The following UBR4 variants were observed in gnomAD, a reference collection of about 807,000 sequenced individuals.
UBR4 encodes the protein ubiquitin protein ligase E3 component n-recognin 4, also known as E3 ubiquitin-protein ligase UBR4.
Under a neutral mutation model 575.6 loss-of-function variants are expected in UBR4, and 124 were observed. The observed-to-expected ratio is 0.22, with a 90% CI of 0.19 to 0.25. The LOEUF (loss-of-function observed/expected upper bound fraction) is 0.25, where lower values mean the gene tolerates loss of function less well. Among genes scored for constraint, UBR4 ranks in the 10% least tolerant of loss-of-function variants. UBR4 has a pLI of 1.00. For missense variants in UBR4, 4,818 were observed against 6,478.8 expected (o/e 0.74, Z 8.80); for synonymous variants, 2,455 against 2,473.7 (o/e 0.99, Z 0.22).
intron 60 of UBR4, among the ~76,000 whole-genome samples, 156 bp downstream of exon 60, chr1:19,137,851 C>G (rs557226532): frequency 1.5e-3 from 233 of 152,326 alleles, no homozygotes; most frequent in African/African-American, 5.3e-3. Context: ...TAGAGCACTT[C>G]CTAAGACTTT....
chr1:19,111,850 C>G (rs369736239), intron 78 of UBR4: 1 of 152,208 alleles, frequency 6.6e-6, no homozygotes. Context: ...GAACTCCCGA[C>G]CTCAGGTGAT....
rs1281347096 is a variant in UBR4, at chr1:19,114,836, A to G, written c.11177T>C (p.Ile3726Thr). 4.3e-6 allele frequency: 7 copies of G among 1,614,068 alleles called. No individual in the cohort carries two copies. Among genetic ancestry groups the G allele is most frequent in the South Asian group, 1.1e-5 (1 of 91,068 alleles). The change falls in exon 75 of 106, where the codon ATT becomes ACT. Residue 3726 changes from isoleucine (I) to threonine (T), a missense_variant. By Grantham distance (89) the Ile-to-Thr change is moderately conservative (BLOSUM62 -1). Coordinates refer to ENST00000375254, the MANE Select transcript of UBR4 (RefSeq NM_020765.3). ...YAKPCCAVDPIENEEDRKKAV... is the reference protein window; with the variant it reads ...YAKPCCAVDPTENEEDRKKAV... ...CTTCTTCCGGTCTTCTTCATTCTCAATGGGATCCACTGCACAGCAAGGCTT... is the reference window on the plus strand; with the variant it reads ...CTTCTTCCGGTCTTCTTCATTCTCAGTGGGATCCACTGCACAGCAAGGCTT...
chr1:19,116,824 C>G (rs1385753284), intron 73 of UBR4, among the ~76,000 whole-genome samples: 1 of 152,250 alleles, frequency 6.6e-6, no homozygotes, highest in Non-Finnish European at 1.5e-5. Flanking sequence ...AAATAACTTT[C>G]TGCCCTGTGA....
chr1:19,147,605 C>T (rs1159247815), intron 51 of UBR4, among the ~76,000 whole-genome samples: 7 of 152,210 alleles, frequency 4.6e-5, no homozygotes, highest in African/African-American at 1.7e-4. Flanking sequence ...ACTTGTCTCA[C>T]CAACAAGTAC....
intron 37 of UBR4, 80 bp from the exon 38 acceptor site, chr1:19,161,227 T>C: frequency 7.2e-7 from 1 of 1,380,694 alleles, no homozygotes; most frequent in Non-Finnish European, 1.0e-6. Flanking sequence ...CCGAGGAAAA[T>C]TTGACCCAAA....
Position 19,173,500 on chromosome 1 carries a change from A to G in UBR4, c.3104T>C (p.Ile1035Thr), listed in dbSNP as rs2089869538. 6.2e-7 allele frequency: 1 copy of G among 1,614,194 alleles called. No homozygotes were observed. The highest frequency in any genetic ancestry group is 2.2e-5 in the East Asian group (1 of 44,864). The change falls in exon 23 of 106, where the codon ATC (isoleucine) becomes ACC (threonine). Residue 1035 changes from isoleucine to threonine, a missense_variant. Around this residue, in one of 29 missense-constraint regions of UBR4, gnomAD observed 1,172 missense variants for 1,259.7 expected, o/e 0.93. Coordinates refer to ENST00000375254, the MANE Select transcript of UBR4 (RefSeq NM_020765.3). ...MNSPEMSECD[I>T]LHTLRWSSRL... ...AGAAGACCATCGCAGAGTGTGCAAGATGTCACATTCGCTCATCTCAGGTGA... is the reference window on the plus strand; with the variant it reads ...AGAAGACCATCGCAGAGTGTGCAAGGTGTCACATTCGCTCATCTCAGGTGA...
At chr1:19,074,955 T>G (rs1233783271) in intron 105 of UBR4, 59 bp from the exon 106 acceptor site, 2 of 1,574,940 alleles carry the variant, frequency 1.3e-6, no homozygotes, top group South Asian at 2.3e-5. Flanking sequence ...CCATTCCCCC[T>G]GAGTCACAGC....
chr1:19,187,447 A>G lies in UBR4; in HGVS notation c.1488T>C (p.Leu496=). Residue 496 remains leucine, a synonymous_variant, in exon 12 of 106, where the codon CTT becomes CTC. Coordinates refer to ENST00000375254, the MANE Select transcript of UBR4 (RefSeq NM_020765.3). ...SLFQDLQVEA[L]HKGWETDGPP... ...ATGGGGATAACCTCCTCACCTTGTG[A>G]AGGGCCTCCACTTGTAGGTCTTGAA... The G allele has an allele frequency of 6.2e-7, 1 of 1,614,092 alleles. No individual in the cohort carries two copies. Among genetic ancestry groups the G allele is most frequent in the South Asian group, 1.1e-5 (1 of 91,086 alleles).
chr1:19,129,009 A>G lies in UBR4; in HGVS notation c.8972T>C (p.Val2991Ala), dbSNP rs149265685. The change falls in exon 61 of 106, where the codon GTT becomes GCT. Residue 2991 changes from valine to alanine, a missense_variant. By Grantham distance (64) the Val-to-Ala change is moderately conservative. This residue lies in a region of UBR4 where 87 missense variants were observed against 82.8 expected (regional missense o/e 1.05). Transcript: ENST00000375254. ...LLQTLPQLRN[V>A]GGVRAIPYMQ... ...GTATGGGATGGCCCGGACACCGCCA[A>G]CGTTTCGTAATTGAGGCAGGGTCTG... is the stretch of plus-strand genomic sequence containing the variant. 4.3e-5 allele frequency: 70 copies of G among 1,614,020 alleles called. No homozygotes were observed. The highest frequency in any genetic ancestry group is 2.0e-4 in the East Asian group (9 of 44,896).
intron 31 of UBR4, 88 bp downstream of exon 31, chr1:19,165,161 G>T: frequency 1.4e-6 from 2 of 1,478,808 alleles, no homozygotes; most frequent in South Asian, 1.2e-5. Context: ...GCATTTTCAT[G>T]CTGTAGTTAA....
chr1:19,124,772 C>T (rs763568534), intron 64 of UBR4, 82 bp from the exon 65 acceptor site: 293 of 1,539,588 alleles, frequency 1.9e-4, no homozygotes, highest in Admixed American at 4.1e-4. Context: ...GCTCATTAGA[C>T]GTATTACATG....
chr1:19,160,369 T>G, intron 38 of UBR4, 88 bp from the exon 39 acceptor site: 1 of 1,266,252 alleles, frequency 7.9e-7, no homozygotes, highest in South Asian at 1.6e-5. Context: ...TGCCAGTAAC[T>G]TCCTTCAGAA....
intron 34 of UBR4, 29 bp downstream of exon 34, chr1:19,163,735 C>T (rs2087790152): frequency 1.2e-6 from 2 of 1,610,842 alleles, no homozygotes; most frequent in Non-Finnish European, 1.7e-6. Context: ...TTCCCTTCAC[C>T]CCCCATTGTC....
At chr1:19,200,297 CATA>C (rs1212251987) in intron 2 of UBR4, among the ~76,000 whole-genome samples, 13 of 151,386 alleles carry the variant, frequency 8.6e-5, no homozygotes, top group Non-Finnish European at 1.6e-4. Context: ...AAAAAAATCT[CATA>C]ATGTTTTAAG....
At position 19,074,716 on chromosome 1, in the gene UBR4, G is replaced by C. The variant is rs1483506691; in HGVS notation, c.*116C>G. 9 of 1,181,626 alleles carry C rather than the reference G, an allele frequency of 7.6e-6. No homozygotes were observed. Among genetic ancestry groups the C allele is most frequent in the Non-Finnish European group, 9.8e-6 (8 of 814,006 alleles). 73.2% of individuals were successfully genotyped at this position (1,181,626 alleles called of 1,614,324 possible). On this transcript the variant is annotated 3_prime_UTR_variant, in exon 106 of 106. Transcript: ENST00000375254. ...GCCACACCAAGAAAAATGAGAGAGGGGAGGGCGGGGTAACAATGCAGCATC... is the reference window on the plus strand; with the variant it reads ...GCCACACCAAGAAAAATGAGAGAGGCGAGGGCGGGGTAACAATGCAGCATC...
intron 60 of UBR4, among the ~76,000 whole-genome samples, chr1:19,133,428 TAAC>T (rs2082770961): frequency 6.6e-6 from 1 of 152,232 alleles, no homozygotes; most frequent in Admixed American, 6.5e-5. Flanking sequence ...ACCCTTGTGC[TAAC>T]ATCATACTTA....
Position 19,113,932 on chromosome 1 carries a change from A to G in UBR4, c.11328+13T>C, listed in dbSNP as rs759491035. On this transcript the variant is annotated intron_variant, in intron 76 of 105. Coordinates refer to ENST00000375254, the MANE Select transcript of UBR4 (RefSeq NM_020765.3). ...AAGCCCTTATCCAAATGCCCTTTGC[A>G]GCGTGGGACTACCTGTGGCTTTTCT... 6.2e-7 allele frequency: 1 copy of G among 1,614,218 alleles called. No homozygotes were observed. The highest frequency in any genetic ancestry group is 1.3e-5 in the African/African-American group (1 of 75,058).
chr1:19,097,736 C>T lies in UBR4; in HGVS notation c.13303-456G>A, dbSNP rs553819531. Among the ~76,000 whole-genome samples, 120 of 152,256 alleles carry T rather than the reference C, an allele frequency of 7.9e-4. 1 individual carries two copies. The highest frequency in any genetic ancestry group is 2.6e-3 in the African/African-American group (107 of 41,534). On this transcript the variant is annotated intron_variant, in intron 90 of 105. Transcript: ENST00000375254. ...TGTCTCCAATCAATAGGGACTACTA[C>T]CCAGGACAAACAAGGCCATTTAAAT...
At chr1:19,173,686 C>T (rs1222883501) in intron 22 of UBR4, 65 bp from the exon 23 acceptor site, 3 of 1,467,856 alleles carry the variant, frequency 2.0e-6, no homozygotes, top group Non-Finnish European at 2.8e-6. Flanking sequence ...CCTCACAGTA[C>T]GAACTACTCC....
Sources: gnomAD v4.1 joint callset for allele counts (sites outside exome capture counted in the v4.1 genomes callset) on GRCh38, gnomAD v4.1.1 for gene constraint, gnomAD v4.1.1 regional missense constraint, MANE v1.5 for transcripts, NCBI Gene and HGNC (gene_info 2026-07-23, HGNC 2026-07-21) for gene names.